JARID2: variants seen among roughly 807,000 people sequenced by gnomAD.
The protein encoded by JARID2 is protein Jumonji.
JARID2 carries 21 observed loss-of-function variants against 125.6 expected under a neutral mutation model. The observed-to-expected ratio is 0.17, with a 90% CI of 0.12 to 0.24. The LOEUF (loss-of-function observed/expected upper bound fraction) is 0.24, where lower values mean the gene tolerates loss of function less well. Ranked by LOEUF, JARID2 falls within the 10% of genes least tolerant of loss-of-function variation. JARID2 has a pLI of 1.00. For synonymous variants in JARID2, 736 were observed against 661.6 expected (o/e 1.11, Z -1.73); for missense variants, 1,303 against 1,639.6 (o/e 0.79, Z 3.55).
intron 5 of JARID2, among the ~76,000 whole-genome samples, chr6:15,475,707 C>A (rs2237129): frequency 0.79 from 120,231 of 152,132 alleles, 47,563 homozygotes; most frequent in African/African-American, 0.83. Flanking sequence ...AATAAGTTCT[C>A]TGGCTGCATG....
intron 4 of JARID2, among the ~76,000 whole-genome samples, chr6:15,465,924 C>T (rs976504733): frequency 1.2e-4 from 19 of 152,230 alleles, no homozygotes; most frequent in African/African-American, 4.3e-4. Flanking sequence ...CTGTCTCAGC[C>T]TCCCGAGTAG....
rs148875146 is a variant in JARID2, at chr6:15,305,350, G to A, written c.45+58766G>A. ...CTACCCCAGGAGAAAAGGGTGCAGG[G>A]AGGGTGCTGGCTCTGGCTAATTCTG... is the stretch of plus-strand genomic sequence containing the variant. On this transcript the variant is annotated intron_variant, in intron 1 of 17. Coordinates refer to ENST00000341776, the MANE Select transcript of JARID2 (RefSeq NM_004973.4). Among the ~76,000 whole-genome samples the A allele has an allele frequency of 5.1e-3, 773 of 152,292 alleles. 1 individual carries two copies. The highest frequency in any genetic ancestry group is 8.7e-3 in the Non-Finnish European group (592 of 68,026).
chr6:15,406,615 G>T (rs891819389), intron 2 of JARID2, among the ~76,000 whole-genome samples: 6 of 152,192 alleles, frequency 3.9e-5, no homozygotes, highest in African/African-American at 1.4e-4. Context: ...ATAAGGGCCT[G>T]GAACAATGGA....
At chr6:15,403,724 A>G (rs1167866362) in intron 2 of JARID2, among the ~76,000 whole-genome samples, 1 of 147,172 alleles carries the variant, frequency 6.8e-6, no homozygotes, top group Non-Finnish European at 1.5e-5. Flanking sequence ...TAGATTGTTG[A>G]AGGTGTGTCG....
In JARID2 at chr6:15,311,045, C is replaced by T. The variant is rs962797977; in HGVS notation, c.46-63072C>T. ...GCGGGTATTTTAGTTCCAGGGCTAA[C>T]ATGGCACGTTGGCAGTGAGATAGTT... On this transcript the variant is annotated intron_variant, in intron 1 of 17. Transcript: ENST00000341776. Among the ~76,000 whole-genome samples the T allele has an allele frequency of 2.6e-5, 4 of 152,308 alleles. No individual in the cohort carries two copies. In the East Asian group the frequency reaches 5.8e-4, roughly 22 times the overall value.
Position 15,496,532 on chromosome 6 carries a change from G to A in JARID2, c.1307G>A (p.Gly436Glu). 1.2e-6 allele frequency: 2 copies of A among 1,608,638 alleles called. No homozygotes were observed. Among genetic ancestry groups the A allele is most frequent in the Non-Finnish European group, 1.7e-6 (2 of 1,178,126 alleles). Residue 436 changes from glycine to glutamate, a missense_variant, in exon 7 of 18, where the codon GGG becomes GAG. Physicochemically the swap from Gly to Glu is moderately conservative, Grantham distance 98. This residue lies in a region of JARID2 where 651 missense variants were observed against 581.6 expected (regional missense o/e 1.12). Transcript: ENST00000341776. ...CGGGAGGGCCTGCAGCTGCGGGAGG[G>A]GCTGCGGAACTCCAAGAGGAGACTG... is the stretch of plus-strand genomic sequence containing the variant. The part of the protein sequence containing the change: ...QLREGLQLRE[G>E]LRNSKRRLEE...
At chr6:15,439,396 T>A (rs372641975) in intron 3 of JARID2, among the ~76,000 whole-genome samples, 5 of 152,220 alleles carry the variant, frequency 3.3e-5, no homozygotes, top group Admixed American at 6.5e-5. Flanking sequence ...GTTATACTTT[T>A]GATCACCCTT....
At chr6:15,290,593 G>A (rs1031093225) in intron 1 of JARID2, among the ~76,000 whole-genome samples, 14 of 152,244 alleles carry the variant, frequency 9.2e-5, no homozygotes, top group Admixed American at 7.2e-4. Flanking sequence ...AATCTCATGT[G>A]ATGAAGGGTT....
chr6:15,376,377 C>G (rs1429351419), intron 2 of JARID2, among the ~76,000 whole-genome samples: 1 of 152,110 alleles, frequency 6.6e-6, no homozygotes, highest in Non-Finnish European at 1.5e-5. Context: ...TATAGCAGTT[C>G]TGAGTAAACA....
At chr6:15,278,716 T>C (rs1760634525) in intron 1 of JARID2, among the ~76,000 whole-genome samples, 1 of 152,192 alleles carries the variant, frequency 6.6e-6, no homozygotes, top group Admixed American at 6.5e-5. Flanking sequence ...TCCCTGCCAG[T>C]CTCATATCTG....
intron 12 of JARID2, 140 bp from the exon 13 acceptor site, chr6:15,511,156 C>T (rs1561916564): frequency 1.0e-5 from 7 of 675,492 alleles, no homozygotes; most frequent in South Asian, 1.0e-4. Flanking sequence ...GGCACCCAGC[C>T]AGGCCAGTGC....
At chr6:15,341,294 A>G (rs1763063154) in intron 1 of JARID2, among the ~76,000 whole-genome samples, 1 of 151,926 alleles carries the variant, frequency 6.6e-6, no homozygotes, top group African/African-American at 2.4e-5. Flanking sequence ...GTTCTTTTTT[A>G]CTCTTCCACA....
At chr6:15,395,926 G>A (rs942633096) in intron 2 of JARID2, among the ~76,000 whole-genome samples, 1 of 152,198 alleles carries the variant, frequency 6.6e-6, no homozygotes, top group South Asian at 2.1e-4. Context: ...GCCTCCCTAA[G>A]TGCTGGGATT....
At chr6:15,432,497 C>T (rs936601299) in intron 3 of JARID2, among the ~76,000 whole-genome samples, 2 of 152,148 alleles carry the variant, frequency 1.3e-5, no homozygotes, top group Non-Finnish European at 2.9e-5. Context: ...GTACGCTCCA[C>T]AGACTGGGAG....
intron 1 of JARID2, among the ~76,000 whole-genome samples, chr6:15,326,730 G>T (rs1294081534): frequency 1.3e-5 from 2 of 152,128 alleles, no homozygotes; most frequent in East Asian, 3.9e-4. Context: ...CAAACTCCTG[G>T]CCTAAAGTGA....
chr6:15,275,429 A>G (rs537199093), intron 1 of JARID2, among the ~76,000 whole-genome samples: 39 of 151,398 alleles, frequency 2.6e-4, no homozygotes, highest in Non-Finnish European at 4.6e-4. Flanking sequence ...GTAATTGGAA[A>G]CAGCTGCTGT....
intron 5 of JARID2, among the ~76,000 whole-genome samples, chr6:15,484,589 A>G (rs1769776601): frequency 6.6e-6 from 1 of 152,218 alleles, no homozygotes; most frequent in African/African-American, 2.4e-5. Context: ...ATTGTGGTAG[A>G]TGTTCTACCT....
chr6:15,378,254 A>G (rs1410110828), intron 2 of JARID2, among the ~76,000 whole-genome samples: 4 of 151,448 alleles, frequency 2.6e-5, no homozygotes, highest in Admixed American at 2.0e-4. Context: ...TCAAATGTCA[A>G]AATGTTTCCA....
At chr6:15,519,147 C>G (rs1271331496) in intron 17 of JARID2, among the ~76,000 whole-genome samples, 1 of 152,146 alleles carries the variant, frequency 6.6e-6, no homozygotes, top group Non-Finnish European at 1.5e-5. Flanking sequence ...GAACGGTGTC[C>G]TCCTGTAACC....
Sources: allele counts gnomAD v4.1 joint callset (sites outside exome capture counted in the v4.1 genomes callset), GRCh38; gene constraint gnomAD v4.1.1; regional missense constraint gnomAD v4.1.1; transcripts MANE v1.5; gene names NCBI Gene and HGNC (gene_info 2026-07-23, HGNC 2026-07-21).